Variants in IMPG2 observed in about 807,000 individuals in gnomAD.
IMPG2 encodes IPM 200.
A neutral mutation model predicts 129.2 loss-of-function variants in IMPG2; 91 were observed. The ratio of observed to expected loss-of-function variants is 0.70; its 90% CI spans 0.59 to 0.84. The LOEUF (loss-of-function observed/expected upper bound fraction) is 0.84, where lower values mean the gene tolerates loss of function less well. Ranked by LOEUF, IMPG2 falls within the 40% of genes least tolerant of loss-of-function variation. IMPG2 has a pLI of 0.00. For synonymous variants in IMPG2, 510 were observed against 517.7 expected, an observed-to-expected ratio of 0.99 and a Z score of 0.20; for missense variants, 1,430 against 1,461.7, an observed-to-expected ratio of 0.98 and a Z score of 0.35.
At chr3:101,285,547 G>A (rs1433939604) in intron 4 of IMPG2, among the ~76,000 whole-genome samples, 1 of 152,132 alleles carries the variant, frequency 6.6e-6, no homozygotes, top group Non-Finnish European at 1.5e-5. Context: ...CTACAGCTCT[G>A]TCTCTCTCAT....
intron 14 of IMPG2, among the ~76,000 whole-genome samples, chr3:101,235,031 A>G (rs1706331065): frequency 6.6e-6 from 1 of 152,242 alleles, no homozygotes; most frequent in African/African-American, 2.4e-5. Context: ...TATGTTTCAT[A>G]TATACCTTAT....
At chr3:101,316,160 A>G (rs1454214142) in intron 2 of IMPG2, among the ~76,000 whole-genome samples, 1 of 152,046 alleles carries the variant, frequency 6.6e-6, no homozygotes, top group East Asian at 1.9e-4. Context: ...TAAAAATTCT[A>G]CAGGAAAAGA....
chr3:101,291,796 TAA>T (rs1707017389), intron 3 of IMPG2, among the ~76,000 whole-genome samples: 1 of 152,330 alleles, frequency 6.6e-6, no homozygotes, highest in African/African-American at 2.4e-5. Context: ...TATGAACATA[TAA>T]AAGTTACAGA....
In IMPG2 at chr3:101,243,558, T is replaced by C; in HGVS notation, c.2773A>G (p.Lys925Glu). The C allele has an allele frequency of 6.2e-7, 1 of 1,613,848 alleles. No individual in the cohort carries two copies. The highest frequency in any genetic ancestry group is 2.2e-5 in the East Asian group (1 of 44,868). The change falls in exon 13 of 19, where the codon AAA becomes GAA. Residue 925 changes from lysine (K) to glutamate (E), a missense_variant. By Grantham distance (56) the Lys-to-Glu change is moderately conservative (BLOSUM62 1). Transcript: ENST00000193391. The part of the protein sequence containing the change: ...DLFNKNSLEY[K>E]ALEQRFLELL... ...TCTAAGAATCTTTGCTCCAGGGCTTTATACTCCAAGGAGTTTTTATTAAAC... is the reference window on the plus strand; with the variant it reads ...TCTAAGAATCTTTGCTCCAGGGCTTCATACTCCAAGGAGTTTTTATTAAAC...
chr3:101,285,849 G>A (rs1321670050), intron 4 of IMPG2, among the ~76,000 whole-genome samples: 1 of 152,164 alleles, frequency 6.6e-6, no homozygotes, highest in Non-Finnish European at 1.5e-5. Context: ...GATACATGGT[G>A]TAGTGATGAA....
chr3:101,293,765 T>C (rs1464045624), intron 3 of IMPG2, among the ~76,000 whole-genome samples: 6 of 152,248 alleles, frequency 3.9e-5, no homozygotes. Context: ...CTAGATCTTC[T>C]AGACAACTTG....
Position 101,256,193 on chromosome 3 carries a change from G to GAAAGAAAGAAAGA in IMPG2, c.1153+1323_1153+1335dup, listed in dbSNP as rs1553682308. Among the ~76,000 whole-genome samples, 102 of 148,288 alleles carry GAAAGAAAGAAAGA rather than the reference G, an allele frequency of 6.9e-4. 1 individual carries two copies. Among genetic ancestry groups the GAAAGAAAGAAAGA allele is most frequent in the African/African-American group, 2.5e-3 (101 of 39,770 alleles). Reference sequence around the variant, plus strand: ...AGAAAGAAAGAAAGAAAGAAAGAAAGAAAGAAAGAAAGAAAGAAAGAAAGA... The same window carrying GAAAGAAAGAAAGA: ...AGAAAGAAAGAAAGAAAGAAAGAAAGAAAGAAAGAAAGAAAAGAAAGAAAGAAAGAAAGAAAGA... On this transcript the variant is annotated intron_variant, in intron 10 of 18. Transcript: ENST00000193391.
At chr3:101,271,652 A>T (rs1317754341) in intron 7 of IMPG2, among the ~76,000 whole-genome samples, 1 of 152,194 alleles carries the variant, frequency 6.6e-6, no homozygotes, top group Non-Finnish European at 1.5e-5. Flanking sequence ...ACTGAAGCCC[A>T]TATTCTTCCC....
chr3:101,240,372 G>A, intron 14 of IMPG2, among the ~76,000 whole-genome samples: 1 of 152,116 alleles, frequency 6.6e-6, no homozygotes, highest in Non-Finnish European at 1.5e-5. Flanking sequence ...TTCTCCCTCA[G>A]CCTCCTAAAG....
Position 101,273,560 on chromosome 3 carries a change from GT to G in IMPG2, c.828+20del, listed in dbSNP as rs746039015. Reference sequence around the variant, plus strand: ...ACATAGCAGGCATACTGCCTTGTTTGTTTTTTTTTTAATCACCCACCTCTGA... The same window carrying G: ...ACATAGCAGGCATACTGCCTTGTTTGTTTTTTTTTAATCACCCACCTCTGA... On this transcript the variant is annotated intron_variant, in intron 7 of 18. Transcript: ENST00000193391. 5.0e-4 allele frequency: 678 copies of G among 1,354,626 alleles called. No homozygotes were observed. Among genetic ancestry groups the G allele is most frequent in the South Asian group, 9.3e-4 (74 of 79,480 alleles). The allele number at this position is 1,354,626 out of a possible 1,614,324, so 83.9% of individuals were successfully genotyped here.
intron 9 of IMPG2, among the ~76,000 whole-genome samples, chr3:101,259,482 A>G (rs952461832): frequency 6.6e-6 from 1 of 151,620 alleles, no homozygotes; most frequent in Non-Finnish European, 1.5e-5. Context: ...TTTTGTTCAC[A>G]GTGACGGTGT....
intron 2 of IMPG2, among the ~76,000 whole-genome samples, chr3:101,314,033 T>A (rs914391149): frequency 1.3e-5 from 2 of 152,144 alleles, no homozygotes; most frequent in African/African-American, 2.4e-5. Context: ...ATAAAAGATA[T>A]GCAAGATCCA....
chr3:101,306,208 A>G (rs1345448271), intron 2 of IMPG2, among the ~76,000 whole-genome samples: 1 of 152,236 alleles, frequency 6.6e-6, no homozygotes, highest in Non-Finnish European at 1.5e-5. Flanking sequence ...TACAAATTGC[A>G]AAGTGCTACA....
intron 9 of IMPG2, among the ~76,000 whole-genome samples, chr3:101,260,979 A>C (rs1448967574): frequency 6.6e-6 from 1 of 152,196 alleles, no homozygotes; most frequent in Admixed American, 6.5e-5. Flanking sequence ...ACAACAGTAC[A>C]TGATATGCCT....
At chr3:101,320,206 C>T (rs967351722) in intron 1 of IMPG2, 82 bp downstream of exon 1, 6 of 809,070 alleles carry the variant, frequency 7.4e-6, no homozygotes, top group Non-Finnish European at 1.3e-5. Context: ...TTTCTTACAG[C>T]AATCACATCA....
At chr3:101,313,717 C>T (rs2058768300) in intron 2 of IMPG2, among the ~76,000 whole-genome samples, 2 of 151,452 alleles carry the variant, frequency 1.3e-5, no homozygotes, top group South Asian at 4.2e-4. Flanking sequence ...TTGTGGAGCC[C>T]AAAGCATATG....
intron 2 of IMPG2, among the ~76,000 whole-genome samples, chr3:101,316,988 A>G (rs1171514918): frequency 6.6e-6 from 1 of 152,142 alleles, no homozygotes; most frequent in Non-Finnish European, 1.5e-5. Flanking sequence ...ACCAAAGAGT[A>G]TATTCCATTT....
rs1706278366 is a variant in IMPG2 at position 101,230,937 on chromosome 3, G to A, written c.3422+20C>T. 6.3e-7 allele frequency: 1 copy of A among 1,598,632 alleles called. No individual in the cohort carries two copies. Among genetic ancestry groups the A allele is most frequent in the African/African-American group, 1.3e-5 (1 of 74,584 alleles). On this transcript the variant is annotated intron_variant, in intron 16 of 18. Coordinates refer to ENST00000193391, the MANE Select transcript of IMPG2 (RefSeq NM_016247.4). ...AAATGGAACATTGTATTCCATTAGAGAGCTCTTTTCCTTATTTACCTGAAG... is the reference window on the plus strand; with the variant it reads ...AAATGGAACATTGTATTCCATTAGAAAGCTCTTTTCCTTATTTACCTGAAG...
intron 7 of IMPG2, among the ~76,000 whole-genome samples, 154 bp from the exon 8 acceptor site, chr3:101,269,727 A>C (rs1706759348): frequency 6.6e-6 from 1 of 152,128 alleles, no homozygotes; most frequent in Non-Finnish European, 1.5e-5. Context: ...AAAATGAAAG[A>C]AAAAATTTTA....
Sources: gnomAD v4.1 joint callset for allele counts (sites outside exome capture counted in the v4.1 genomes callset) on GRCh38, gnomAD v4.1.1 for gene constraint, MANE v1.5 for transcripts, NCBI Gene and HGNC (gene_info 2026-07-23, HGNC 2026-07-21) for gene names.